HEATR1: variants seen among roughly 807,000 people sequenced by gnomAD.
HEATR1 encodes HEAT repeat-containing protein 1.
In HEATR1, 77 loss-of-function variants were observed where a neutral mutation model predicts 248.2. The observed-to-expected ratio is 0.31, with a 90% CI of 0.26 to 0.37. The LOEUF is 0.37. Ranked by LOEUF, HEATR1 falls within the 10% of genes least tolerant of loss-of-function variation. HEATR1 has a pLI of 1.00. For synonymous variants in HEATR1, 897 were observed against 923.1 expected (o/e 0.97, Z 0.51); for missense variants, 2,420 against 2,504.9 (o/e 0.97, Z 0.72).
chr1:236,588,086 A>C (rs1558189594), intron 12 of HEATR1, 43 bp from the exon 13 acceptor site: 29 of 1,463,394 alleles, frequency 2.0e-5, no homozygotes, highest in Non-Finnish European at 2.8e-5. Context: ...GTTGCCAAAA[A>C]TCTCTTAAGG....
intron 22 of HEATR1, 91 bp from the exon 23 acceptor site, chr1:236,574,994 G>T: frequency 7.8e-7 from 1 of 1,284,212 alleles, no homozygotes; most frequent in Non-Finnish European, 1.1e-6. Context: ...GCTGGAAGAT[G>T]GGAGTTTAGC....
At position 236,565,965 on chromosome 1, in the gene HEATR1, C is replaced by G; in HGVS notation, c.4389G>C (p.Leu1463Phe). ...TTAGTAAGTACTGGAGGATATTCAT[C>G]AAGCTTTGTATCTGATGCTGGACAC... ...EFSVQHQIQS[L>F]MNILQYLLKL... The change falls in exon 31 of 45, where the codon TTG becomes TTC. Residue 1463 changes from leucine to phenylalanine, a missense_variant. Coordinates refer to ENST00000366582, the MANE Select transcript of HEATR1 (RefSeq NM_018072.6). 1 of 1,614,034 alleles carries G rather than the reference C, an allele frequency of 6.2e-7. No homozygotes were observed. Among genetic ancestry groups the G allele is most frequent in the Non-Finnish European group, 8.5e-7 (1 of 1,179,946 alleles).
chr1:236,572,857 GAT>G (rs1363911639), intron 24 of HEATR1, 29 bp from the exon 25 acceptor site: 1 of 1,562,712 alleles, frequency 6.4e-7, no homozygotes, highest in African/African-American at 1.4e-5. Flanking sequence ...AAGAGTTGAT[GAT>G]ATAATCCATT....
chr1:236,602,696 G>A (rs1327083651), intron 3 of HEATR1: 1 of 159,326 alleles, frequency 6.3e-6, no homozygotes, highest in Admixed American at 6.1e-5. Context: ...AGGCCGAGGC[G>A]GGTGGATCAC....
intron 17 of HEATR1, 113 bp from the exon 18 acceptor site, chr1:236,583,309 G>C: frequency 3.5e-6 from 3 of 863,660 alleles, no homozygotes; most frequent in Non-Finnish European, 5.3e-6. Context: ...ATTTTGGTGG[G>C]GAAAGGATTA....
chr1:236,579,759 A>C (rs1663658894), intron 20 of HEATR1, among the ~76,000 whole-genome samples: 1 of 152,136 alleles, frequency 6.6e-6, no homozygotes, highest in Non-Finnish European at 1.5e-5. Flanking sequence ...TAGAAATAAA[A>C]CTTGAAATTA....
intron 20 of HEATR1, among the ~76,000 whole-genome samples, chr1:236,580,537 G>A (rs781424453): frequency 8.6e-5 from 2 of 23,282 alleles, no homozygotes; most frequent in Non-Finnish European, 4.4e-4. Flanking sequence ...TTTTTTTTGA[G>A]ACAGGGTCTT....
chr1:236,566,155 T>TGA, intron 30 of HEATR1, 110 bp from the exon 31 acceptor site: 1 of 1,078,192 alleles, frequency 9.3e-7, no homozygotes, highest in South Asian at 1.7e-5. Flanking sequence ...ACTACTTTAT[T>TGA]TAGAGTGGGT....
intron 41 of HEATR1, 50 bp downstream of exon 41, chr1:236,555,246 T>C: frequency 6.3e-7 from 1 of 1,584,962 alleles, no homozygotes; most frequent in Non-Finnish European, 8.6e-7. Flanking sequence ...TGGTACCTTG[T>C]ATAAGGCACA....
intron 3 of HEATR1, among the ~76,000 whole-genome samples, chr1:236,601,677 C>CA (rs111816733): frequency 8.6e-5 from 7 of 80,984 alleles, no homozygotes; most frequent in Middle Eastern, 5.1e-3. Flanking sequence ...AACAAACAAA[C>CA]AAAAAAAAAA....
In HEATR1 at chr1:236,566,894, G is replaced by C. The variant is rs1213958866; in HGVS notation, c.4078-18C>G. On this transcript the variant is annotated intron_variant, in intron 29 of 44. Coordinates refer to ENST00000366582, the MANE Select transcript of HEATR1 (RefSeq NM_018072.6). ...CTATCAGACTGCAAAACAGCAAGCA[G>C]AGACAATGAGTAGGTGCAAGTAATC... 1 of 1,530,208 alleles carries C rather than the reference G, an allele frequency of 6.5e-7. No individual in the cohort carries two copies. 94.8% of individuals were successfully genotyped at this position (1,530,208 alleles called of 1,614,324 possible). A position where few individuals can be genotyped will look rare whatever the true frequency, so the allele number is the denominator to read the frequency against.
intron 20 of HEATR1, among the ~76,000 whole-genome samples, chr1:236,577,426 C>T (rs116564669): frequency 0.025 from 3,711 of 148,928 alleles, 123 homozygotes; most frequent in East Asian, 0.15. Flanking sequence ...GCTGGGATTA[C>T]AGACACATCT....
chr1:236,554,139 C>G (rs568782406), intron 42 of HEATR1, among the ~76,000 whole-genome samples: 1 of 152,234 alleles, frequency 6.6e-6, no homozygotes, highest in Admixed American at 6.5e-5. Context: ...CGCCTGTAAT[C>G]CCAGCAGTTT....
rs1051964000 is a variant in HEATR1 at position 236,574,714 on chromosome 1, T to C, written c.3274A>G (p.Thr1092Ala). Residue 1092 changes from threonine to alanine, a missense_variant, in exon 23 of 45, where the codon ACA (threonine) becomes GCA (alanine). Transcript: ENST00000366582. ...GGCATTCCCGCGTAAAGTTCCTTTG[T>C]TGTGTGCACAGCTTTTATAAATATA... is the stretch of plus-strand genomic sequence containing the variant. The part of the protein sequence containing the change: ...LDIFIKAVHT[T>A]KELYAGMPTI... 2.5e-5 allele frequency: 41 copies of C among 1,613,912 alleles called. No homozygotes were observed. In the Admixed American group the frequency reaches 5.7e-4, roughly 22 times the overall value.
At chr1:236,577,106 T>TA (rs1663581699) in intron 20 of HEATR1, among the ~76,000 whole-genome samples, 157 bp from the exon 21 acceptor site, 1 of 151,362 alleles carries the variant, frequency 6.6e-6, no homozygotes, top group Admixed American at 6.6e-5. Context: ...AGAGAAAGGT[T>TA]AGGCATATGT....
In HEATR1 at chr1:236,596,692, A is replaced by G. The variant is rs113494601; in HGVS notation, c.744+144T>C. The G allele has an allele frequency of 1.9e-3, 1,421 of 754,314 alleles. 18 individuals carry two copies. In the African/African-American group the frequency reaches 0.021, roughly 11 times the overall value. The allele number at this position is 754,314 out of a possible 1,614,324, so 46.7% of individuals were successfully genotyped here. ...AGTGAGTTTCTAATAAAAAAGTGTC[A>G]TATTTTCAACCTAAAGGCTAAATCT... is the stretch of plus-strand genomic sequence containing the variant. On this transcript the variant is annotated intron_variant, in intron 6 of 44. Transcript: ENST00000366582.
intron 34 of HEATR1, 55 bp downstream of exon 34, chr1:236,559,659 A>G (rs1663070294): frequency 1.9e-6 from 3 of 1,540,522 alleles, no homozygotes; most frequent in East Asian, 4.6e-5. Flanking sequence ...ATAATTTCAC[A>G]ATAATTTAAA....
chr1:236,604,112 GT>G lies in HEATR1; in HGVS notation c.-18del, dbSNP rs1664407503. 1 of 1,546,176 alleles carries G rather than the reference GT, an allele frequency of 6.5e-7. No individual in the cohort carries two copies. The highest frequency in any genetic ancestry group is 8.7e-7 in the Non-Finnish European group (1 of 1,154,498). On this transcript the variant is annotated 5_prime_UTR_variant, in exon 2 of 45. Transcript: ENST00000366582. ...GGACGTCATCTTTCACGCCAGCGGA[GT>G]TTTAATGACACGGGCTAAAAAAACG...
intron 12 of HEATR1, among the ~76,000 whole-genome samples, chr1:236,588,731 C>A (rs1345633793): frequency 6.6e-6 from 1 of 152,116 alleles, no homozygotes; most frequent in Non-Finnish European, 1.5e-5. Flanking sequence ...CTGAATATAT[C>A]CCTATCTATA....
Sources: allele counts gnomAD v4.1 joint callset (sites outside exome capture counted in the v4.1 genomes callset), GRCh38; gene constraint gnomAD v4.1.1; transcripts MANE v1.5; gene names NCBI Gene and HGNC (gene_info 2026-07-23, HGNC 2026-07-21).